The following THSD7B variants were observed in gnomAD, a reference collection of about 807,000 sequenced individuals.
THSD7B encodes thrombospondin type 1 domain containing 7B, also known as thrombospondin type-1 domain-containing protein 7B.
A neutral mutation model predicts 213.6 loss-of-function variants in THSD7B; 138 were observed. That is an observed-to-expected ratio of 0.65 (90% confidence interval 0.56 to 0.74). The LOEUF is 0.74. Ranked by LOEUF, THSD7B falls within the 30% of genes least tolerant of loss-of-function variation. THSD7B has a pLI of 0.00. For synonymous variants in THSD7B, 742 were observed against 687.0 expected (o/e 1.08, Z -1.25); for missense variants, 1,931 against 1,991.5 (o/e 0.97, Z 0.58).
chr2:137,086,672 A>G (rs545126914), intron 3 of THSD7B, among the ~76,000 whole-genome samples: 1 of 152,340 alleles, frequency 6.6e-6, no homozygotes, highest in East Asian at 1.9e-4. Flanking sequence ...CTCTACGACA[A>G]TGGTCAAACA....
At chr2:137,428,010 A>G (rs945790740) in intron 14 of THSD7B, among the ~76,000 whole-genome samples, 8 of 152,286 alleles carry the variant, frequency 5.3e-5, no homozygotes, top group East Asian at 3.8e-4. Flanking sequence ...ATAATGTATA[A>G]GGACAACATA....
chr2:137,477,411 T>C (rs1357012153), intron 15 of THSD7B, among the ~76,000 whole-genome samples: 1 of 152,174 alleles, frequency 6.6e-6, no homozygotes. Context: ...GTAACATGAA[T>C]TTCTTATAGG....
intron 6 of THSD7B, among the ~76,000 whole-genome samples, chr2:137,170,031 C>T (rs534856167): frequency 1.6e-4 from 25 of 152,174 alleles, no homozygotes; most frequent in South Asian, 1.2e-3. Flanking sequence ...CCATTTGCCT[C>T]GATGTGTACC....
At chr2:136,862,002 G>A (rs1443625274) in intron 1 of THSD7B, among the ~76,000 whole-genome samples, 1 of 152,172 alleles carries the variant, frequency 6.6e-6, no homozygotes, top group East Asian at 1.9e-4. Flanking sequence ...CTTGCCATGT[G>A]GACTCTTAAT....
At position 136,965,839 on chromosome 2, in the gene THSD7B, G is replaced by T. The variant is rs1685304737; in HGVS notation, c.139+83522G>T. On this transcript the variant is annotated intron_variant, in intron 2 of 27. Coordinates refer to ENST00000409968, the MANE Select transcript of THSD7B (RefSeq NM_001316349.2). ...ATTTTCAGTTTTCTTAAGTTAAAGT[G>T]CCTGTTATGGTATTTCCCACGTGGT... 5.9e-5 allele frequency among the ~76,000 whole-genome samples: 9 copies of T among 151,994 alleles called. No homozygotes were observed. The South Asian group carries it at 1.9e-3, about 32-fold the overall frequency.
At chr2:137,177,337 T>G (rs986542030) in intron 7 of THSD7B, among the ~76,000 whole-genome samples, 3 of 152,208 alleles carry the variant, frequency 2.0e-5, no homozygotes, top group Non-Finnish European at 4.4e-5. Context: ...CTTATTTTCA[T>G]TTTTTAGTTG....
At chr2:136,979,585 G>T (rs1052446271) in intron 2 of THSD7B, among the ~76,000 whole-genome samples, 14 of 152,040 alleles carry the variant, frequency 9.2e-5, no homozygotes, top group Non-Finnish European at 1.2e-4. Flanking sequence ...GATACTTGTG[G>T]TTGCATTGTG....
intron 2 of THSD7B, among the ~76,000 whole-genome samples, chr2:137,053,165 A>G (rs1384201386): frequency 6.6e-6 from 1 of 152,120 alleles, no homozygotes; most frequent in Non-Finnish European, 1.5e-5. Context: ...CTCATACCCA[A>G]ATGAATATTA....
chr2:137,352,148 G>T (rs1398576248), intron 12 of THSD7B, among the ~76,000 whole-genome samples: 1 of 151,678 alleles, frequency 6.6e-6, no homozygotes, highest in Non-Finnish European at 1.5e-5. Flanking sequence ...AAGGGGGCAG[G>T]GGTGAGGGGA....
chr2:137,309,209 T>C (rs1429178644), intron 12 of THSD7B, among the ~76,000 whole-genome samples: 1 of 152,044 alleles, frequency 6.6e-6, no homozygotes, highest in African/African-American at 2.4e-5. Flanking sequence ...GGAAAACTCA[T>C]TTTTGTACTT....
intron 5 of THSD7B, among the ~76,000 whole-genome samples, chr2:137,119,484 T>C (rs1688507333): frequency 6.6e-6 from 1 of 152,112 alleles, no homozygotes; most frequent in Admixed American, 6.5e-5. Context: ...TTCATTGAGG[T>C]GATATTTAAA....
chr2:137,389,583 A>T (rs1312543768), intron 12 of THSD7B, among the ~76,000 whole-genome samples: 1 of 150,350 alleles, frequency 6.7e-6, no homozygotes, highest in African/African-American at 2.4e-5. Flanking sequence ...CTATAGTCCC[A>T]TTTGTTTATT....
At chr2:137,320,476 A>G (rs1684238936) in intron 12 of THSD7B, among the ~76,000 whole-genome samples, 1 of 152,212 alleles carries the variant, frequency 6.6e-6, no homozygotes, top group Non-Finnish European at 1.5e-5. Flanking sequence ...AGGAAATGAC[A>G]TTAAATGTGC....
intron 5 of THSD7B, among the ~76,000 whole-genome samples, chr2:137,115,708 GT>G (rs759314293): frequency 4.6e-5 from 7 of 152,090 alleles, no homozygotes; most frequent in Non-Finnish European, 1.0e-4. Flanking sequence ...CCTTTCAAAT[GT>G]CAAGGATCCA....
chr2:137,337,579 A>T (rs1597937), intron 12 of THSD7B, among the ~76,000 whole-genome samples: 1 of 152,124 alleles, frequency 6.6e-6, no homozygotes, highest in African/African-American at 2.4e-5. Flanking sequence ...GTGTGAGGTT[A>T]CTTTGAGACT....
intron 5 of THSD7B, among the ~76,000 whole-genome samples, chr2:137,128,523 T>C (rs1337954157): frequency 6.6e-6 from 1 of 152,204 alleles, no homozygotes; most frequent in African/African-American, 2.4e-5. Flanking sequence ...TTTTGTGATA[T>C]AACAGACGAT....
Position 137,211,350 on chromosome 2 carries a change from A to ACACACACACACACAGAGG in THSD7B, c.1724-19680_1724-19679insGAGGCACACACACACACA, listed in dbSNP as rs1553479500. Among the ~76,000 whole-genome samples, 131 of 138,680 alleles carry ACACACACACACACAGAGG rather than the reference A, an allele frequency of 9.4e-4. 1 individual carries two copies. Among genetic ancestry groups the ACACACACACACACAGAGG allele is most frequent in the South Asian group, 5.6e-3 (24 of 4,278 alleles). 91.0% of individuals were successfully genotyped at this position (138,680 alleles called of 152,430 possible). On this transcript the variant is annotated intron_variant, in intron 7 of 27. Coordinates refer to ENST00000409968, the MANE Select transcript of THSD7B (RefSeq NM_001316349.2). Reference sequence around the variant, plus strand: ...CCTTCCTACACACACACACACACACACACACACACACACACGGAATATATT... The same window carrying ACACACACACACACAGAGG: ...CCTTCCTACACACACACACACACACACACACACACACACAGAGGCACACACACACACACGGAATATATT...
At chr2:137,198,057 C>A (rs964140566) in intron 7 of THSD7B, among the ~76,000 whole-genome samples, 1 of 152,124 alleles carries the variant, frequency 6.6e-6, no homozygotes, top group African/African-American at 2.4e-5. Context: ...TCTACTTCAT[C>A]TTTCTGCCTG....
At chr2:137,401,804 A>G (rs768992522) in intron 12 of THSD7B, among the ~76,000 whole-genome samples, 2 of 152,068 alleles carry the variant, frequency 1.3e-5, no homozygotes, top group Non-Finnish European at 1.5e-5. Context: ...CCATTAAACT[A>G]CTTTACAATA....
Sources: gnomAD v4.1 joint callset for allele counts (sites outside exome capture counted in the v4.1 genomes callset) on GRCh38, gnomAD v4.1.1 for gene constraint, MANE v1.5 for transcripts, NCBI Gene and HGNC (gene_info 2026-07-23, HGNC 2026-07-21) for gene names.